The following PTPN14 variants were observed in gnomAD, a reference collection of about 807,000 sequenced individuals.
PTPN14 encodes the protein tyrosine-protein phosphatase non-receptor type 14.
A neutral mutation model predicts 126.8 loss-of-function variants in PTPN14; 53 were observed. The observed-to-expected ratio is 0.42, with a 90% CI of 0.34 to 0.53. The LOEUF is 0.53. PTPN14 is among the 20% of genes least tolerant of loss of function. The pLI, the probability that PTPN14 is intolerant of heterozygous loss-of-function variation, is 0.08. For synonymous variants in PTPN14, 630 were observed against 599.3 expected (o/e 1.05, Z -0.75); for missense variants, 1,257 against 1,552.9 (o/e 0.81, Z 3.20).
chr1:214,506,230 A>G (rs1654840618), intron 1 of PTPN14, among the ~76,000 whole-genome samples: 1 of 152,234 alleles, frequency 6.6e-6, no homozygotes, highest in Admixed American at 6.5e-5. Context: ...CTGGCCAGGC[A>G]CGGTGGCTCA....
rs11800045 is a variant in PTPN14, at chr1:214,424,904, C to A, written c.345-10178G>T. Among the ~76,000 whole-genome samples, 596 of 144,366 alleles carry A rather than the reference C, an allele frequency of 4.1e-3. 2 individuals are homozygous for A. The highest frequency in any genetic ancestry group is 0.014 in the African/African-American group (569 of 39,776). 94.7% of individuals were successfully genotyped at this position (144,366 alleles called of 152,430 possible). Reference sequence around the variant, plus strand: ...GATCCATGTTCAGCCTCTCCCCAATCACAGCAATTTAATATTAAAGATTTT... The same window carrying A: ...GATCCATGTTCAGCCTCTCCCCAATAACAGCAATTTAATATTAAAGATTTT... On this transcript the variant is annotated intron_variant, in intron 3 of 18. Transcript: ENST00000366956.
At chr1:214,465,890 T>TTATG (rs1660623139) in intron 1 of PTPN14, among the ~76,000 whole-genome samples, 1 of 100,948 alleles carries the variant, frequency 9.9e-6, no homozygotes, top group Non-Finnish European at 2.1e-5. Context: ...TATGTTTTAT[T>TTATG]ATTTACTTAG....
At chr1:214,517,108 G>C (rs41530849) in intron 1 of PTPN14, among the ~76,000 whole-genome samples, 1 of 151,986 alleles carries the variant, frequency 6.6e-6, no homozygotes, top group African/African-American at 2.4e-5. Flanking sequence ...AAATGTAATC[G>C]GTCCTACCTC....
chr1:214,399,014 G>A (rs1216905479), intron 7 of PTPN14, among the ~76,000 whole-genome samples: 1 of 148,858 alleles, frequency 6.7e-6, no homozygotes, highest in Non-Finnish European at 1.5e-5. Context: ...TGATCCACCC[G>A]CCTCGGACTC....
Position 214,411,716 on chromosome 1 carries a change from C to A in PTPN14, c.478G>T (p.Asp160Tyr). The A allele has an allele frequency of 6.6e-7, 1 of 1,512,606 alleles. No homozygotes were observed. The highest frequency in any genetic ancestry group is 9.1e-7 in the Non-Finnish European group (1 of 1,096,352). 93.7% of individuals were successfully genotyped at this position (1,512,606 alleles called of 1,614,324 possible). The change falls in exon 5 of 19, where the codon GAT (aspartate) becomes TAT (tyrosine). Residue 160 changes from aspartate (D) to tyrosine (Y), a missense_variant. Transcript: ENST00000366956. The stretch of plus-strand genomic sequence containing the variant: ...AATAGCACATACTCTCTGAGGAAAT[C>A]TTGAGAATCAAACTGATTATAGTCT... ...FGDYNQFDSQ[D>Y]FLREYVLFPM...
chr1:214,391,587 T>C (rs1426844528), intron 10 of PTPN14, among the ~76,000 whole-genome samples: 1 of 151,960 alleles, frequency 6.6e-6, no homozygotes, highest in East Asian at 1.9e-4. Flanking sequence ...TTTTTAAATG[T>C]AGAGATTAAA....
At position 214,357,932 on chromosome 1, in the gene PTPN14, C is replaced by CTG; in HGVS notation, c.3552_3553dup (p.Arg1185ThrfsTer63). The CTG allele has an allele frequency of 1.9e-6, 3 of 1,612,900 alleles. No homozygotes were observed. The highest frequency in any genetic ancestry group is 2.5e-6 in the Non-Finnish European group (3 of 1,179,428). Reference sequence around the variant, plus strand: ...GCTGGATTGGGGTGATTAAATGAGTCTGGAGTTTTGGAGGAACTGGATGAG... The same window carrying CTG: ...GCTGGATTGGGGTGATTAAATGAGTCTGTGGAGTTTTGGAGGAACTGGATGAG... On this transcript the variant is annotated frameshift_variant, in exon 19 of 19. Transcript: ENST00000366956. LOFTEE classifies it high-confidence loss of function.
rs1125452 is a variant in PTPN14, at chr1:214,376,158, C to T, written c.2907+61G>A. The stretch of plus-strand genomic sequence containing the variant: ...TGCAGCCCACACATTTTCTTCTCCC[C>T]GCATTTTTCCCTTTAACCCAGCCAT... On this transcript the variant is annotated intron_variant, in intron 15 of 18. Transcript: ENST00000366956. 143,614 of 1,479,900 alleles carry T rather than the reference C, an allele frequency of 0.097. 7,996 individuals carry two copies. Among genetic ancestry groups the T allele is most frequent in the African/African-American group, 0.18 (12,872 of 71,746 alleles). 91.7% of individuals were successfully genotyped at this position (1,479,900 alleles called of 1,614,324 possible).
At chr1:214,373,167 G>A (rs774638332) in intron 15 of PTPN14, among the ~76,000 whole-genome samples, 12 of 152,118 alleles carry the variant, frequency 7.9e-5, no homozygotes, top group African/African-American at 1.4e-4. Context: ...CAATTCTCCC[G>A]TCTCAGAATC....
At chr1:214,467,734 A>G (rs1329605929) in intron 1 of PTPN14, among the ~76,000 whole-genome samples, 1 of 152,246 alleles carries the variant, frequency 6.6e-6, no homozygotes, top group Non-Finnish European at 1.5e-5. Flanking sequence ...TACATTATCT[A>G]CTGAAAATGG....
chr1:214,516,955 C>T (rs1052280150), intron 1 of PTPN14, among the ~76,000 whole-genome samples: 6 of 152,112 alleles, frequency 3.9e-5, no homozygotes, highest in African/African-American at 1.4e-4. Flanking sequence ...AACTTTAAGG[C>T]ACCTGCTCTC....
At chr1:214,543,680 G>T (rs1655897818) in intron 1 of PTPN14, among the ~76,000 whole-genome samples, 1 of 151,690 alleles carries the variant, frequency 6.6e-6, no homozygotes, top group Non-Finnish European at 1.5e-5. Context: ...CTCCCAGGCT[G>T]GTGTGCAGTG....
At chr1:214,386,984 AGCCG>A (rs1032231222) in intron 11 of PTPN14, 62 bp from the exon 12 acceptor site, 1 of 1,446,430 alleles carries the variant, frequency 6.9e-7, no homozygotes, top group African/African-American at 1.4e-5. Context: ...TGACTCACAC[AGCCG>A]GCCCAGGCAC....
chr1:214,407,344 G>A (rs1659193768), intron 5 of PTPN14, among the ~76,000 whole-genome samples: 1 of 152,098 alleles, frequency 6.6e-6, no homozygotes, highest in South Asian at 2.1e-4. Flanking sequence ...GGCCAACATG[G>A]TGAAACCCCC....
chr1:214,502,527 T>A (rs1295703150), intron 1 of PTPN14, among the ~76,000 whole-genome samples: 3 of 150,808 alleles, frequency 2.0e-5, no homozygotes, highest in Non-Finnish European at 2.9e-5. Context: ...ACTTATTTTT[T>A]ATTTATTTAT....
In PTPN14 at chr1:214,516,890, C is replaced by T. The variant is rs150271296; in HGVS notation, c.-155+34293G>A. Among the ~76,000 whole-genome samples the T allele has an allele frequency of 2.7e-4, 41 of 152,272 alleles. No individual in the cohort carries two copies. In the East Asian group the frequency reaches 6.9e-3, roughly 26 times the overall value. On this transcript the variant is annotated intron_variant, in intron 1 of 18. Coordinates refer to ENST00000366956, the MANE Select transcript of PTPN14 (RefSeq NM_005401.5). ...AATTCCTGTTCCCCACCCCACCCCACTCCACCTACGCTACGCACCAGGCAT... is the reference window on the plus strand; with the variant it reads ...AATTCCTGTTCCCCACCCCACCCCATTCCACCTACGCTACGCACCAGGCAT...
At position 214,383,882 on chromosome 1, in the gene PTPN14, A is replaced by G; in HGVS notation, c.1973T>C (p.Leu658Pro). ...SMVRGMEAMT[L>P]KSLHLPMARR... Reference sequence around the variant, plus strand: ...AGCCATGGGGAGGTGGAGCGACTTGAGCGTCATGGCCTCCATGCCCCGCAC... The same window carrying G: ...AGCCATGGGGAGGTGGAGCGACTTGGGCGTCATGGCCTCCATGCCCCGCAC... Residue 658 changes from leucine to proline, a missense_variant, in exon 13 of 19, where the codon CTC becomes CCC. By Grantham distance (98) the Leu-to-Pro change is moderately conservative (BLOSUM62 -3). Coordinates refer to ENST00000366956, the MANE Select transcript of PTPN14 (RefSeq NM_005401.5). This position sits in a 1 kb window ranked among gnomAD's most constrained non-coding sequence, Gnocchi z 4.4. The G allele has an allele frequency of 6.2e-7, 1 of 1,612,922 alleles. No homozygotes were observed. Among genetic ancestry groups the G allele is most frequent in the Non-Finnish European group, 8.5e-7 (1 of 1,179,960 alleles).
chr1:214,517,002 G>A (rs1260030638), intron 1 of PTPN14, among the ~76,000 whole-genome samples: 1 of 152,056 alleles, frequency 6.6e-6, no homozygotes, highest in African/African-American at 2.4e-5. Context: ...TCCTCCTGGA[G>A]AAATTCTTTC....
In PTPN14 at chr1:214,354,870, A is replaced by G. The variant is rs1306263116; in HGVS notation, c.*3052T>C. The G allele has an allele frequency of 6.6e-6, 1 of 152,216 alleles. No individual in the cohort carries two copies. The highest frequency in any genetic ancestry group is 6.5e-5 in the Admixed American group (1 of 15,286). 9.4% of individuals were successfully genotyped at this position (152,216 alleles called of 1,614,324 possible). A position where few individuals can be genotyped will look rare whatever the true frequency, so the allele number is the denominator to read the frequency against. On this transcript the variant is annotated 3_prime_UTR_variant, in exon 19 of 19. Coordinates refer to ENST00000366956, the MANE Select transcript of PTPN14 (RefSeq NM_005401.5). ...TGATACATCATCAGGAAATCATTCCAAAAGCTCTAACTAGATAACTAATTT... is the reference window on the plus strand; with the variant it reads ...TGATACATCATCAGGAAATCATTCCGAAAGCTCTAACTAGATAACTAATTT...
Sources: gnomAD v4.1 joint callset for allele counts (sites outside exome capture counted in the v4.1 genomes callset) on GRCh38, gnomAD v4.1.1 for gene constraint, Gnocchi (gnomAD v3.1) non-coding constraint, MANE v1.5 for transcripts, NCBI Gene and HGNC (gene_info 2026-07-23, HGNC 2026-07-21) for gene names.